MPZL1: variants seen among roughly 807,000 people sequenced by gnomAD.
The protein encoded by MPZL1 is myelin protein zero-like protein 1.
A neutral mutation model predicts 29.3 loss-of-function variants in MPZL1; 16 were observed. The observed-to-expected ratio is 0.55, with a 90% CI of 0.37 to 0.83. The LOEUF is 0.83. Among genes scored for constraint, MPZL1 ranks in the 40% least tolerant of loss-of-function variants. The pLI is 0.00. For synonymous variants in MPZL1, 143 were observed against 132.0 expected (o/e 1.08, Z -0.57); for missense variants, 279 against 332.9 (o/e 0.84, Z 1.26).
chr1:167,729,884 A>C (rs1660227938), intron 1 of MPZL1, among the ~76,000 whole-genome samples: 1 of 152,236 alleles, frequency 6.6e-6, no homozygotes, highest in African/African-American at 2.4e-5. Flanking sequence ...AAGAAGAGTA[A>C]GTTTCAGAGA....
At chr1:167,725,552 C>G (rs547707304) in intron 1 of MPZL1, among the ~76,000 whole-genome samples, 28 of 152,198 alleles carry the variant, frequency 1.8e-4, no homozygotes, top group African/African-American at 6.7e-4. Context: ...GTAGCGTGAT[C>G]TCGGCTCACC....
chr1:167,761,799 T>C (rs903921139), intron 1 of MPZL1, among the ~76,000 whole-genome samples: 1 of 152,176 alleles, frequency 6.6e-6, no homozygotes, highest in South Asian at 2.1e-4. Flanking sequence ...AGATGCATAG[T>C]GGATAGAGAA....
At chr1:167,787,575 A>AG (rs1661615172) in intron 5 of MPZL1, among the ~76,000 whole-genome samples, 1 of 152,222 alleles carries the variant, frequency 6.6e-6, no homozygotes, top group Non-Finnish European at 1.5e-5. Flanking sequence ...AACATCAAAA[A>AG]GGTTTGAAAG....
chr1:167,775,932 AT>A, intron 4 of MPZL1, 131 bp from the exon 5 acceptor site: 1 of 509,260 alleles, frequency 2.0e-6, no homozygotes, highest in Non-Finnish European at 3.3e-6. Context: ...TTTGACACCC[AT>A]TGTTATGTTG....
chr1:167,788,373 G>A lies in MPZL1; in HGVS notation c.*452G>A, dbSNP rs909352296. On this transcript the variant is annotated 3_prime_UTR_variant, in exon 6 of 6. Coordinates refer to ENST00000359523, the MANE Select transcript of MPZL1 (RefSeq NM_003953.6). ...GTTGGAGGATGGAGATGCTATGATG[G>A]AAGCATACCCAGGGTGGCCTTTAGC... 6.4e-6 allele frequency: 1 copy of A among 155,884 alleles called. No homozygotes were observed. Among genetic ancestry groups the A allele is most frequent in the African/African-American group, 2.4e-5 (1 of 41,500 alleles). 9.7% of individuals were successfully genotyped at this position (155,884 alleles called of 1,614,324 possible). A position where few individuals can be genotyped will look rare whatever the true frequency, so the allele number is the denominator to read the frequency against.
intron 5 of MPZL1, among the ~76,000 whole-genome samples, chr1:167,783,265 TG>T (rs1444915629): frequency 6.6e-6 from 1 of 152,082 alleles, no homozygotes. Flanking sequence ...AGTGGGAGGC[TG>T]GGTTGGGAAG....
intron 1 of MPZL1, among the ~76,000 whole-genome samples, chr1:167,727,872 CT>C (rs748327482): frequency 1.6e-3 from 218 of 137,652 alleles, no homozygotes; most frequent in Non-Finnish European, 1.9e-3. Flanking sequence ...CTTTCTTTTC[CT>C]TTTTTTTTTT....
chr1:167,744,906 C>T (rs767515427), intron 1 of MPZL1, among the ~76,000 whole-genome samples: 3 of 152,150 alleles, frequency 2.0e-5, no homozygotes, highest in African/African-American at 7.2e-5. Flanking sequence ...TCCGCAGAGG[C>T]GGATGGATCC....
At position 167,789,187 on chromosome 1, in the gene MPZL1, C is replaced by A. The variant is rs1285248537; in HGVS notation, c.*1266C>A. ...GTTTTCTCCTATTCACTACTCCCCA[C>A]CGCACTTAAAATCTATGAGTTTTTA... On this transcript the variant is annotated 3_prime_UTR_variant, in exon 6 of 6. Coordinates refer to ENST00000359523, the MANE Select transcript of MPZL1 (RefSeq NM_003953.6). 6.6e-6 allele frequency: 1 copy of A among 152,192 alleles called. No individual in the cohort carries two copies. Among genetic ancestry groups the A allele is most frequent in the African/African-American group, 2.4e-5 (1 of 41,432 alleles). The allele number at this position is 152,192 out of a possible 1,614,324, so 9.4% of individuals were successfully genotyped here.
rs1380574479 is a variant in MPZL1 at position 167,789,058 on chromosome 1, G to A, written c.*1137G>A. 2 of 152,062 alleles carry A rather than the reference G, an allele frequency of 1.3e-5. No individual in the cohort carries two copies. Among genetic ancestry groups the A allele is most frequent in the East Asian group, 3.8e-4 (2 of 5,196 alleles). The allele number at this position is 152,062 out of a possible 1,614,324, so 9.4% of individuals were successfully genotyped here. On this transcript the variant is annotated 3_prime_UTR_variant, in exon 6 of 6. Coordinates refer to ENST00000359523, the MANE Select transcript of MPZL1 (RefSeq NM_003953.6). ...AGCGTCAGTCATGCTTCCAGCAAGAGGCAGCATCAGTCATGGCTTTATAAC... is the reference window on the plus strand; with the variant it reads ...AGCGTCAGTCATGCTTCCAGCAAGAAGCAGCATCAGTCATGGCTTTATAAC...
chr1:167,734,925 C>T (rs1036352528), intron 1 of MPZL1, among the ~76,000 whole-genome samples: 1 of 152,192 alleles, frequency 6.6e-6, no homozygotes, highest in African/African-American at 2.4e-5. Flanking sequence ...CCTTTCCTTC[C>T]CAATCAATGC....
intron 5 of MPZL1, among the ~76,000 whole-genome samples, chr1:167,779,413 C>T (rs1472310618): frequency 6.6e-6 from 1 of 151,878 alleles, no homozygotes; most frequent in East Asian, 1.9e-4. Flanking sequence ...GGCAAAACCC[C>T]ATCTCTCCTA....
chr1:167,741,203 T>A (rs1558111458), intron 1 of MPZL1, among the ~76,000 whole-genome samples: 1 of 139,922 alleles, frequency 7.1e-6, no homozygotes, highest in African/African-American at 2.7e-5. Flanking sequence ...TTTTTTTTTT[T>A]AGAGATGGGG....
chr1:167,731,659 C>T (rs963786016), intron 1 of MPZL1, among the ~76,000 whole-genome samples: 6 of 151,724 alleles, frequency 4.0e-5, no homozygotes, highest in African/African-American at 9.7e-5. Context: ...AGGATGGTCT[C>T]GATTTCCTGA....
intron 1 of MPZL1, among the ~76,000 whole-genome samples, chr1:167,744,405 C>T (rs1048376987): frequency 4.6e-5 from 7 of 152,006 alleles, no homozygotes; most frequent in African/African-American, 1.2e-4. Flanking sequence ...AAAAAAAGGC[C>T]GGGCACAGTG....
At chr1:167,722,279 T>G (rs2101739928) in intron 1 of MPZL1, 37 bp downstream of exon 1, 2 of 1,232,964 alleles carry the variant, frequency 1.6e-6, no homozygotes, top group Non-Finnish European at 2.0e-6. Context: ...GGCCGGGGAG[T>G]GGGGCCCCCG....
intron 5 of MPZL1, among the ~76,000 whole-genome samples, chr1:167,783,780 T>G (rs1178329282): frequency 6.6e-6 from 1 of 152,222 alleles, no homozygotes; most frequent in Non-Finnish European, 1.5e-5. Flanking sequence ...AATCAGTATT[T>G]GTCTCATTTA....
At chr1:167,756,317 A>AT (rs1660867445) in intron 1 of MPZL1, among the ~76,000 whole-genome samples, 1 of 150,830 alleles carries the variant, frequency 6.6e-6, no homozygotes, top group Non-Finnish European at 1.5e-5. Flanking sequence ...CCCAGCTAAT[A>AT]TTTTTTTGTC....
At chr1:167,725,208 A>G (rs978279561) in intron 1 of MPZL1, among the ~76,000 whole-genome samples, 3 of 151,980 alleles carry the variant, frequency 2.0e-5, no homozygotes, top group Non-Finnish European at 4.4e-5. Context: ...TGTTTTTTCT[A>G]CCTCCACTCC....
Sources: gnomAD v4.1 joint callset for allele counts (sites outside exome capture counted in the v4.1 genomes callset) on GRCh38, gnomAD v4.1.1 for gene constraint, MANE v1.5 for transcripts, NCBI Gene and HGNC (gene_info 2026-07-23, HGNC 2026-07-21) for gene names.